The following MSRA variants were observed in gnomAD, a reference collection of about 807,000 sequenced individuals.
MSRA encodes the protein methionine sulfoxide reductase A.
In MSRA, 54 loss-of-function variants were observed where a neutral mutation model predicts 31.3. The observed-to-expected ratio is 1.73, with a 90% CI of 1.39 to 2.17. The LOEUF is 2.17. MSRA is among the 30% of genes most tolerant of loss of function. MSRA has a pLI of 0.00. For missense variants in MSRA, 507 were observed against 300.9 expected (o/e 1.69, Z -5.07); for synonymous variants, 169 against 116.5 (o/e 1.45, Z -2.90).
At chr8:10,183,577 A>G (rs1806737967) in intron 1 of MSRA, among the ~76,000 whole-genome samples, 1 of 152,188 alleles carries the variant, frequency 6.6e-6, no homozygotes, top group Non-Finnish European at 1.5e-5. Context: ...AGAAGTTCAG[A>G]TTGTGGAGAA....
chr8:10,247,303 A>T (rs750065699), intron 3 of MSRA, among the ~76,000 whole-genome samples: 1 of 152,054 alleles, frequency 6.6e-6, no homozygotes, highest in Non-Finnish European at 1.5e-5. Context: ...ACCTAGCAGG[A>T]ATCCCTCCCT....
intron 1 of MSRA, among the ~76,000 whole-genome samples, chr8:10,111,761 A>G (rs1281630007): frequency 6.6e-6 from 1 of 152,140 alleles, no homozygotes; most frequent in Non-Finnish European, 1.5e-5. Context: ...TTTAGAGAGA[A>G]CTTCTTTTGG....
chr8:10,174,024 A>G (rs572628874), intron 1 of MSRA, among the ~76,000 whole-genome samples: 34 of 152,090 alleles, frequency 2.2e-4, no homozygotes, highest in Non-Finnish European at 4.1e-4. Context: ...TCGTGTCTAC[A>G]TGGTATCTTC....
At chr8:10,415,386 C>G (rs1022973656) in intron 5 of MSRA, among the ~76,000 whole-genome samples, 9 of 152,182 alleles carry the variant, frequency 5.9e-5, no homozygotes, top group Non-Finnish European at 1.3e-4. Flanking sequence ...GCCTTACAGA[C>G]CTTGCTGCAT....
chr8:10,109,906 C>T (rs547240123), intron 1 of MSRA, among the ~76,000 whole-genome samples: 6 of 152,244 alleles, frequency 3.9e-5, no homozygotes, highest in East Asian at 3.9e-4. Flanking sequence ...GTTTTAACAC[C>T]GCTAGTCTGT....
chr8:10,162,816 C>T (rs1804778623), intron 1 of MSRA, among the ~76,000 whole-genome samples: 1 of 152,094 alleles, frequency 6.6e-6, no homozygotes, highest in Non-Finnish European at 1.5e-5. Context: ...AGTGGCTTGC[C>T]CAAGGCCACA....
intron 3 of MSRA, among the ~76,000 whole-genome samples, chr8:10,291,524 G>A (rs563079343): frequency 6.6e-6 from 1 of 151,942 alleles, no homozygotes; most frequent in South Asian, 2.1e-4. Flanking sequence ...TTTTTATAAT[G>A]AGTACATTGT....
intron 1 of MSRA, among the ~76,000 whole-genome samples, chr8:10,155,202 A>G (rs995979998): frequency 2.7e-4 from 41 of 152,126 alleles, no homozygotes; most frequent in African/African-American, 9.7e-4. Context: ...TTATGTCGGT[A>G]GGGATATTGA....
intron 1 of MSRA, among the ~76,000 whole-genome samples, chr8:10,196,424 T>C (rs895159888): frequency 2.6e-5 from 4 of 152,164 alleles, no homozygotes. Flanking sequence ...CACTGAGATT[T>C]TAATGTGGCA....
intron 4 of MSRA, among the ~76,000 whole-genome samples, chr8:10,302,308 C>T (rs13269741): frequency 0.18 from 26,865 of 152,224 alleles, 3,145 homozygotes; most frequent in Non-Finnish European, 0.26. Flanking sequence ...ATTTCAAGAT[C>T]GCATCCCAGC....
intron 1 of MSRA, among the ~76,000 whole-genome samples, chr8:10,068,458 A>C (rs183921112): frequency 7.2e-4 from 110 of 152,296 alleles, no homozygotes; most frequent in African/African-American, 2.6e-3. Context: ...GCATTTAGCT[A>C]TGTGATCCAT....
At chr8:10,301,311 G>A (rs1252822101) in intron 3 of MSRA, among the ~76,000 whole-genome samples, 1 of 152,170 alleles carries the variant, frequency 6.6e-6, no homozygotes, top group African/African-American at 2.4e-5. Flanking sequence ...CAATGTAGAA[G>A]TCATCGCAGC....
intron 1 of MSRA, among the ~76,000 whole-genome samples, chr8:10,201,665 C>A (rs1808513499): frequency 6.6e-6 from 1 of 152,218 alleles, no homozygotes; most frequent in African/African-American, 2.4e-5. Flanking sequence ...ATGAGACATT[C>A]ACAAAACAAA....
intron 1 of MSRA, among the ~76,000 whole-genome samples, chr8:10,155,458 TTCTC>T (rs983495883): frequency 1.3e-5 from 2 of 152,046 alleles, no homozygotes; most frequent in African/African-American, 2.4e-5. Flanking sequence ...TACGCACACA[TTCTC>T]TCTCTCTCAC....
At chr8:10,397,418 G>A (rs1225779453) in intron 5 of MSRA, among the ~76,000 whole-genome samples, 1 of 152,210 alleles carries the variant, frequency 6.6e-6, no homozygotes, top group Non-Finnish European at 1.5e-5. Flanking sequence ...TCATTGAGCT[G>A]AAATGGGGGC....
chr8:10,160,180 C>G (rs541721037), intron 1 of MSRA, among the ~76,000 whole-genome samples: 3 of 152,240 alleles, frequency 2.0e-5, no homozygotes, highest in African/African-American at 7.2e-5. Context: ...GATAATCATA[C>G]AGCCCCAACA....
chr8:10,422,638 AAGAG>A (rs1239281115), intron 5 of MSRA, among the ~76,000 whole-genome samples: 2 of 152,186 alleles, frequency 1.3e-5, no homozygotes, highest in African/African-American at 4.8e-5. Context: ...TGGAGTCAGT[AAGAG>A]AGAGAAAAGT....
In MSRA at chr8:10,265,326, G is replaced by A. The variant is rs77567937; in HGVS notation, c.331+20103G>A. 1.7e-3 allele frequency among the ~76,000 whole-genome samples: 265 copies of A among 152,292 alleles called. 6 individuals carry two copies. In the East Asian group the frequency reaches 0.047, roughly 27 times the overall value. ...CTTGGCTCTTGGAAGATCCTGGGGGGAGATTGAGGTAGGACAGGTGTGTCA... is the reference window on the plus strand; with the variant it reads ...CTTGGCTCTTGGAAGATCCTGGGGGAAGATTGAGGTAGGACAGGTGTGTCA... On this transcript the variant is annotated intron_variant, in intron 3 of 5. Coordinates refer to ENST00000317173, the MANE Select transcript of MSRA (RefSeq NM_012331.5).
At chr8:10,111,656 G>A (rs1800293024) in intron 1 of MSRA, among the ~76,000 whole-genome samples, 2 of 152,176 alleles carry the variant, frequency 1.3e-5, no homozygotes, top group African/African-American at 4.8e-5. Flanking sequence ...AAAATAGAAG[G>A]AATGGGAATG....
Sources: gnomAD v4.1 joint callset for allele counts (sites outside exome capture counted in the v4.1 genomes callset) on GRCh38, gnomAD v4.1.1 for gene constraint, MANE v1.5 for transcripts, NCBI Gene and HGNC (gene_info 2026-07-23, HGNC 2026-07-21) for gene names.